Variants in LRRC37A2 observed in about 807,000 individuals in gnomAD.
LRRC37A2 encodes the protein leucine-rich repeat-containing protein 37A2.
In LRRC37A2, 9 loss-of-function variants were observed where a neutral mutation model predicts 68.8. That is an observed-to-expected ratio of 0.13 (90% confidence interval 0.08 to 0.23). LRRC37A2 has a LOEUF of 0.23. Ranked by LOEUF, LRRC37A2 falls within the 10% of genes least tolerant of loss-of-function variation. The pLI is 1.00. For synonymous variants in LRRC37A2, 63 were observed against 367.6 expected (o/e 0.17, Z 9.48); for missense variants, 168 against 950.4 (o/e 0.18, Z 10.82).
At chr17:46,939,070 C>T in the LRRC37A2 span, 38 of 1,228,524 alleles carry the variant, frequency 3.1e-5, no homozygotes, top group African/African-American at 2.0e-4. Context: ...ATAGCTGATG[C>T]GTGCCCTGGG....
the LRRC37A2 span, among the ~76,000 whole-genome samples, chr17:46,909,435 CA>C: frequency 7.2e-5 from 11 of 152,100 alleles, no homozygotes; most frequent in African/African-American, 2.7e-4. Flanking sequence ...TTATTTAATC[CA>C]ATACAGATGA....
chr17:47,028,145 A>G, the LRRC37A2 span: 1 of 693,890 alleles, frequency 1.4e-6, no homozygotes, highest in Non-Finnish European at 2.6e-6. Flanking sequence ...AGTATCTTCC[A>G]CAGTGAGATT....
chr17:46,923,437 A>G, the LRRC37A2 span: 1 of 1,433,372 alleles, frequency 7.0e-7, no homozygotes, highest in African/African-American at 1.4e-5. Flanking sequence ...CGTGGGGCAG[A>G]TGACTCCTGG....
chr17:46,713,099 G>T, the LRRC37A2 span: 2 of 152,274 alleles, frequency 1.3e-5, no homozygotes, highest in Admixed American at 1.3e-4. Context: ...TTTGAAGGGA[G>T]AAGAAGGTGC....
the LRRC37A2 span, among the ~76,000 whole-genome samples, chr17:46,955,912 G>C: frequency 1.2e-3 from 177 of 152,242 alleles, 1 homozygote; most frequent in Middle Eastern, 3.4e-3. Flanking sequence ...GTCTCCATCA[G>C]ACTAGCAACT....
chr17:46,791,629 C>T, the LRRC37A2 span, among the ~76,000 whole-genome samples: 87 of 152,362 alleles, frequency 5.7e-4, no homozygotes, highest in Admixed American at 3.3e-3. Flanking sequence ...CAGGCATGCC[C>T]TGGTAAGGGT....
chr17:46,830,755 G>A, the LRRC37A2 span: 1 of 398,606 alleles, frequency 2.5e-6, no homozygotes, highest in Non-Finnish European at 4.4e-6. Context: ...TGTTCTAGAA[G>A]GTGAGGCATG....
the LRRC37A2 span, among the ~76,000 whole-genome samples, chr17:46,716,500 G>A: frequency 6.6e-6 from 1 of 151,962 alleles, no homozygotes; most frequent in Non-Finnish European, 1.5e-5. Flanking sequence ...CTCATGATCC[G>A]CACGCCTCAG....
the LRRC37A2 span, chr17:46,940,689 G>A: frequency 1.9e-6 from 3 of 1,610,644 alleles, no homozygotes; most frequent in Non-Finnish European, 2.5e-6. Context: ...ATCTTTTCGT[G>A]GTGTGCACCA....
chr17:46,798,425 G>A, the LRRC37A2 span, among the ~76,000 whole-genome samples: 10 of 152,280 alleles, frequency 6.6e-5, no homozygotes, highest in East Asian at 1.9e-4. Flanking sequence ...TTGTTCTCTT[G>A]TATATGTCAA....
chr17:46,794,219 AG>A, the LRRC37A2 span, among the ~76,000 whole-genome samples: 2 of 152,120 alleles, frequency 1.3e-5, no homozygotes, highest in African/African-American at 4.8e-5. Context: ...GAAAAGGAAG[AG>A]GATGGGCATT....
At chr17:46,979,107 C>G in the LRRC37A2 span, 1 of 1,180,008 alleles carries the variant, frequency 8.5e-7, no homozygotes, top group African/African-American at 1.6e-5. Context: ...CTCGGACCGG[C>G]TCCTGCGGTA....
chr17:46,534,472 T>A lies in LRRC37A2; in HGVS notation c.2907-5704T>A, dbSNP rs375459735. ...GCACCGCCCTTAATCCATTCAACCC[T>A]GAGTGGACACAGCACATGTTTCAGA... On this transcript the variant is annotated intron_variant, in intron 6 of 14. Coordinates refer to ENST00000576629, the Ensembl canonical transcript of LRRC37A2. Among the ~76,000 whole-genome samples, 41 of 148,940 alleles carry A rather than the reference T, an allele frequency of 2.8e-4. 1 individual carries two copies. In the South Asian group the frequency reaches 8.7e-3, roughly 31 times the overall value.
the LRRC37A2 span, chr17:46,930,867 A>T: frequency 1.5e-5 from 7 of 479,482 alleles, no homozygotes; most frequent in African/African-American, 3.9e-5. Context: ...CAGCTTTTTT[A>T]AAAAATTGGC....
At chr17:46,789,667 G>C in the LRRC37A2 span, among the ~76,000 whole-genome samples, 95 of 152,358 alleles carry the variant, frequency 6.2e-4, no homozygotes, top group Non-Finnish European at 1.2e-3. Flanking sequence ...ATTCAGAGCA[G>C]GGTTTGAACC....
the LRRC37A2 span, chr17:46,872,624 G>A: frequency 5.1e-5 from 83 of 1,613,296 alleles, no homozygotes; most frequent in Non-Finnish European, 6.4e-5. Flanking sequence ...AAGCTGTCCC[G>A]GCGGCAGAAG....
chr17:46,532,221 C>CA (rs2053765618), intron 6 of LRRC37A2, among the ~76,000 whole-genome samples: 1 of 148,280 alleles, frequency 6.7e-6, no homozygotes, highest in Non-Finnish European at 1.5e-5. Context: ...CTTTTTCACT[C>CA]AAAAAAACAA....
the LRRC37A2 span, chr17:46,932,213 G>A: frequency 9.5e-5 from 154 of 1,613,934 alleles, no homozygotes; most frequent in Middle Eastern, 1.6e-4. Context: ...AGCCAGGCCC[G>A]TGGTGAGGGT....
chr17:46,870,176 C>T, the LRRC37A2 span, among the ~76,000 whole-genome samples: 13 of 152,178 alleles, frequency 8.5e-5, 1 homozygote, highest in Non-Finnish European at 1.2e-4. Context: ...CAATCAGTTG[C>T]TATCAGGGAG....
Sources: allele counts gnomAD v4.1 joint callset (sites outside exome capture counted in the v4.1 genomes callset), GRCh38; gene constraint gnomAD v4.1.1; transcripts MANE v1.5; gene names NCBI Gene and HGNC (gene_info 2026-07-23, HGNC 2026-07-21).